The following C10orf90 variants were observed in gnomAD, a reference collection of about 807,000 sequenced individuals.
The protein encoded by C10orf90 is (E2-independent) E3 ubiquitin-conjugating enzyme FATS.
Under a neutral mutation model 62.5 loss-of-function variants are expected in C10orf90, and 56 were observed. That is an observed-to-expected ratio of 0.90 (90% CI 0.72 to 1.12). C10orf90 has a LOEUF of 1.12. Among genes scored for constraint, C10orf90 ranks in the 50% most tolerant of loss-of-function variants. The pLI, the probability that C10orf90 is intolerant of heterozygous loss-of-function variation, is 0.00. For synonymous variants in C10orf90, 386 were observed against 340.4 expected (o/e 1.13, Z -1.47); for missense variants, 970 against 880.4 (o/e 1.10, Z -1.29).
chr10:126,619,990 C>A (rs866939316), intron 2 of C10orf90, among the ~76,000 whole-genome samples: 13 of 152,024 alleles, frequency 8.6e-5, no homozygotes, highest in Middle Eastern at 6.8e-3. Flanking sequence ...GGATACAAAT[C>A]CTTTGTTTTA....
chr10:126,529,559 G>A (rs1259096896), intron 2 of C10orf90, among the ~76,000 whole-genome samples: 1 of 152,108 alleles, frequency 6.6e-6, no homozygotes, highest in Non-Finnish European at 1.5e-5. Context: ...GGAAAAATAA[G>A]CAAAGACAAA....
chr10:126,532,775 T>G (rs1864129957), intron 2 of C10orf90, among the ~76,000 whole-genome samples: 1 of 120,474 alleles, frequency 8.3e-6, no homozygotes, highest in Non-Finnish European at 1.6e-5. Flanking sequence ...AGGCGGAGAT[T>G]GCAGTGAGCC....
intron 4 of C10orf90, among the ~76,000 whole-genome samples, chr10:126,502,060 G>GCACACACACACCA (rs753402031): frequency 2.0e-5 from 2 of 100,650 alleles, no homozygotes; most frequent in African/African-American, 7.1e-5. Flanking sequence ...CCACACACAC[G>GCACACACACACCA]CACACACACA....
At chr10:126,548,828 A>G (rs192872713) in intron 2 of C10orf90, among the ~76,000 whole-genome samples, 1 of 152,034 alleles carries the variant, frequency 6.6e-6, no homozygotes, top group African/African-American at 2.4e-5. Context: ...ACAGACCCAA[A>G]TATTAATAGA....
Position 126,459,123 on chromosome 10 carries a change from C to A in C10orf90, c.2105G>T (p.Arg702Leu). Residue 702 changes from arginine (R) to leucine (L), a missense_variant, in exon 7 of 10, where the codon CGG (arginine) becomes CTG (leucine). Transcript: ENST00000488181. ...EHMVQQRKAQRKEDLRQKQSL... is the reference protein window; with the variant it reads ...EHMVQQRKAQLKEDLRQKQSL... Reference sequence around the variant, plus strand: ...CTGCTTCTGCCTCAGGTCCTCCTTCCGCTGGGCTTTCCTCTGCTGGACCAT... The same window carrying A: ...CTGCTTCTGCCTCAGGTCCTCCTTCAGCTGGGCTTTCCTCTGCTGGACCAT... The A allele has an allele frequency of 6.2e-7, 1 of 1,614,142 alleles. No homozygotes were observed. The highest frequency in any genetic ancestry group is 8.5e-7 in the Non-Finnish European group (1 of 1,180,034).
At position 126,504,851 on chromosome 10, in the gene C10orf90, C is replaced by A; in HGVS notation, c.640G>T (p.Gly214Ter). 6.2e-7 allele frequency: 1 copy of A among 1,610,984 alleles called. No individual in the cohort carries two copies. Among genetic ancestry groups the A allele is most frequent in the Non-Finnish European group, 8.5e-7 (1 of 1,178,136 alleles). The change falls in exon 4 of 10, where the codon GGA (glycine) becomes TGA (stop). Residue 214 changes from glycine (G) to a stop codon, truncating the protein, a stop_gained. Transcript: ENST00000488181. LOFTEE classifies it high-confidence loss of function. The surrounding 1 kb of genome is among the most constrained non-coding windows in gnomAD (Gnocchi z 4.1). ...LGIPAPSDERGPEAELPPKEE... is the reference protein window; with the variant it reads ...LGIPAPSDER ...TTGGGCGGCAGCTCTGCCTCAGGTCCTCGCTCATCTGACGGTGCCGGGATT... is the reference window on the plus strand; with the variant it reads ...TTGGGCGGCAGCTCTGCCTCAGGTCATCGCTCATCTGACGGTGCCGGGATT...
At chr10:126,566,240 G>A (rs1844386437) in intron 2 of C10orf90, among the ~76,000 whole-genome samples, 1 of 152,178 alleles carries the variant, frequency 6.6e-6, no homozygotes, top group African/African-American at 2.4e-5. Flanking sequence ...TCAAATGGAG[G>A]TAGCTATGAT....
chr10:126,612,527 C>G (rs773320270), intron 2 of C10orf90, among the ~76,000 whole-genome samples: 1 of 152,170 alleles, frequency 6.6e-6, no homozygotes, highest in Non-Finnish European at 1.5e-5. Context: ...CGCTGAGGTA[C>G]CCCATCACCC....
At chr10:126,522,689 G>C (rs1171679075) in intron 2 of C10orf90, 1 of 152,238 alleles carries the variant, frequency 6.6e-6, no homozygotes, top group Non-Finnish European at 1.5e-5. Flanking sequence ...TCATTTTACA[G>C]ATGAGGAAGT....
In C10orf90 at chr10:126,513,878, A is replaced by G. The variant is rs566718066; in HGVS notation, c.375T>C (p.Asp125=). 5.6e-6 allele frequency: 9 copies of G among 1,613,222 alleles called. No homozygotes were observed. The East Asian group carries it at 6.7e-5, about 12-fold the overall frequency. The change falls in exon 3 of 10, where the codon GAT becomes GAC. Residue 125 remains aspartate, a synonymous_variant. Coordinates refer to ENST00000488181, the MANE Select transcript of C10orf90 (RefSeq NM_001350921.2). The part of the protein sequence containing the change: ...DQIALKNLQS[D]VTEAKSDFTK... ...TGAAGTCAGATTTTGCCTCTGTGAC[A>G]TCAGACTGGAGATTTTTAAGGGCAA...
intron 4 of C10orf90, among the ~76,000 whole-genome samples, chr10:126,479,105 A>C (rs1199807383): frequency 6.6e-6 from 1 of 152,168 alleles, no homozygotes; most frequent in Non-Finnish European, 1.5e-5. Flanking sequence ...GCTGTACCGC[A>C]GGGTGTGAGG....
chr10:126,648,453 G>T (rs1031314844), intron 1 of C10orf90, among the ~76,000 whole-genome samples: 1 of 152,180 alleles, frequency 6.6e-6, no homozygotes, highest in Non-Finnish European at 1.5e-5. Flanking sequence ...TGTTATAGCA[G>T]CACAAAGAAG....
At chr10:126,557,992 ATGCAGTCC>A (rs935461877) in intron 2 of C10orf90, among the ~76,000 whole-genome samples, 3 of 152,052 alleles carry the variant, frequency 2.0e-5, no homozygotes, top group Admixed American at 6.6e-5. Flanking sequence ...CCAGCCAATG[ATGCAGTCC>A]TGCTGGCAGC....
chr10:126,638,780 C>A (rs141455161), intron 2 of C10orf90, among the ~76,000 whole-genome samples: 1 of 152,310 alleles, frequency 6.6e-6, no homozygotes, highest in Non-Finnish European at 1.5e-5. Context: ...AGCCTGCCTC[C>A]CACAGACCCA....
At chr10:126,564,238 T>C (rs573438473) in intron 2 of C10orf90, among the ~76,000 whole-genome samples, 76 of 152,090 alleles carry the variant, frequency 5.0e-4, no homozygotes, top group Non-Finnish European at 8.4e-4. Flanking sequence ...CTGAGCATTT[T>C]AGTCTCTGTG....
chr10:126,446,773 C>T (rs1278357142), intron 7 of C10orf90, among the ~76,000 whole-genome samples: 1 of 152,108 alleles, frequency 6.6e-6, no homozygotes, highest in Non-Finnish European at 1.5e-5. Context: ...TCACTTATAT[C>T]TCTAGTAGAA....
intron 3 of C10orf90, among the ~76,000 whole-genome samples, chr10:126,507,546 G>C (rs959538585): frequency 1.3e-5 from 2 of 150,174 alleles, no homozygotes; most frequent in African/African-American, 4.9e-5. Context: ...GTCATGAAAG[G>C]GGACTTTCAG....
chr10:126,434,267 A>C (rs1857771845), intron 7 of C10orf90, among the ~76,000 whole-genome samples: 1 of 152,128 alleles, frequency 6.6e-6, no homozygotes, highest in Non-Finnish European at 1.5e-5. Context: ...ACACATACAC[A>C]AGGACAAGTG....
chr10:126,604,589 A>G (rs1845267945), intron 2 of C10orf90, among the ~76,000 whole-genome samples: 1 of 152,030 alleles, frequency 6.6e-6, no homozygotes, highest in Non-Finnish European at 1.5e-5. Flanking sequence ...CTCTCGCCAG[A>G]CCCCCAGCAA....
Sources: allele counts gnomAD v4.1 joint callset (sites outside exome capture counted in the v4.1 genomes callset), GRCh38; gene constraint gnomAD v4.1.1; non-coding constraint Gnocchi (gnomAD v3.1); transcripts MANE v1.5; gene names NCBI Gene and HGNC (gene_info 2026-07-23, HGNC 2026-07-21).